FDXR: variants seen among roughly 807,000 people sequenced by gnomAD.
FDXR encodes ferredoxin reductase.
Under a neutral mutation model 58.3 loss-of-function variants are expected in FDXR, and 38 were observed. That is an observed-to-expected ratio of 0.65 (90% confidence interval 0.50 to 0.85). The LOEUF is 0.85. Ranked by LOEUF, FDXR falls within the 40% of genes least tolerant of loss-of-function variation. FDXR has a pLI of 0.00. For missense variants in FDXR, 624 were observed against 671.0 expected (o/e 0.93, Z 0.77); for synonymous variants, 275 against 273.8 (o/e 1.00, Z -0.04).
At chr17:74,867,335 A>C (rs997014018) in intron 2 of FDXR, among the ~76,000 whole-genome samples, 2 of 145,438 alleles carry the variant, frequency 1.4e-5, no homozygotes, top group African/African-American at 5.1e-5. Flanking sequence ...AAAAAAAAAG[A>C]CGACGACGGC....
Position 74,872,941 on chromosome 17 carries a change from C to T in FDXR, c.4G>A (p.Ala2Thr), listed in dbSNP as rs575119133. 16 of 1,555,708 alleles carry T rather than the reference C, an allele frequency of 1.0e-5. No individual in the cohort carries two copies. The highest frequency in any genetic ancestry group is 1.9e-5 in the Admixed American group (1 of 51,816). The change falls in exon 1 of 12, where the codon GCT becomes ACT. Residue 2 changes from alanine (A) to threonine (T), a missense_variant. By Grantham distance (58) the Ala-to-Thr change is moderately conservative. Coordinates refer to ENST00000293195, the MANE Select transcript of FDXR (RefSeq NM_024417.5). ...CCCCACCAGCGCCAGCAGCGCGAAG[C>T]CATGGCTGGGAGCAGCAACCTGCAA... M[A>T]SRCWRWWGWS...
chr17:74,866,636 C>A, intron 3 of FDXR, 68 bp from the exon 4 acceptor site: 2 of 1,606,026 alleles, frequency 1.2e-6, no homozygotes. Flanking sequence ...GTCTGCACCA[C>A]CCTCACCACT....
chr17:74,868,837 C>T (rs2038281011), intron 2 of FDXR: 11 of 1,226,492 alleles, frequency 9.0e-6, no homozygotes, highest in Non-Finnish European at 1.2e-5. Flanking sequence ...CCTGAACTTG[C>T]TGATGACTTT....
chr17:74,869,186 C>T (rs1488086291), intron 2 of FDXR, among the ~76,000 whole-genome samples: 2 of 152,152 alleles, frequency 1.3e-5, no homozygotes, highest in South Asian at 2.1e-4. Flanking sequence ...AACAGCAGCC[C>T]GAAAACTCTC....
At chr17:74,863,388 C>G (rs1567907909) in intron 10 of FDXR, 142 bp from the exon 11 acceptor site, 2 of 779,734 alleles carry the variant, frequency 2.6e-6, no homozygotes, top group Non-Finnish European at 4.1e-6. Flanking sequence ...CTGCTGTGGC[C>G]GCTGGTCCAC....
chr17:74,870,043 T>G, intron 2 of FDXR: 1 of 433,078 alleles, frequency 2.3e-6, no homozygotes, highest in Non-Finnish European at 4.8e-6. Context: ...TAAGGGCCAC[T>G]GTCCCAAACG....
chr17:74,868,817 C>G, intron 2 of FDXR: 1 of 1,354,412 alleles, frequency 7.4e-7, no homozygotes, highest in Non-Finnish European at 9.8e-7. Flanking sequence ...CTCCTGCGAC[C>G]CCAAATTCCC....
Position 74,863,906 on chromosome 17 carries a change from C to G in FDXR, c.1164G>C (p.Met388Ile). The change falls in exon 10 of 12, where the codon ATG becomes ATC. Residue 388 changes from methionine (M) to isoleucine (I), a missense_variant. Transcript: ENST00000293195. Reference sequence around the variant, plus strand: ...CTCACACCCTCTCACCTGGCACATCCATAACCCGGCCCTCCACATTGGGGA... The same window carrying G: ...CTCACACCCTCTCACCTGGCACATCGATAACCCGGCCCTCCACATTGGGGA... ...GVIPNVEGRV[M>I]DVPGLYCSGW... 1.2e-6 allele frequency: 2 copies of G among 1,612,868 alleles called. No individual in the cohort carries two copies. Among genetic ancestry groups the G allele is most frequent in the South Asian group, 2.2e-5 (2 of 90,972 alleles).
Position 74,864,156 on chromosome 17 carries a change from T to C in FDXR, c.994A>G (p.Arg332Gly), listed in dbSNP as rs201513638. The C allele has an allele frequency of 5.0e-6, 8 of 1,612,706 alleles. No homozygotes were observed. The highest frequency in any genetic ancestry group is 5.9e-6 in the Non-Finnish European group (7 of 1,179,950). The change falls in exon 9 of 12, where the codon AGA (arginine) becomes GGA (glycine). Residue 332 changes from arginine (R) to glycine (G), a missense_variant. Physicochemically the swap from Arg to Gly is moderately radical, Grantham distance 125. Transcript: ENST00000293195. ...GGAAACATGAGACTCACCTCCAGTCTAGTGACTGCTAGGCGGACACCTGCT... is the reference window on the plus strand; with the variant it reads ...GGAAACATGAGACTCACCTCCAGTCCAGTGACTGCTAGGCGGACACCTGCT... ...RAAGVRLAVT[R>G]LEGVDEATRA...
chr17:74,864,330 T>A lies in FDXR; in HGVS notation c.820A>T (p.Lys274Ter), dbSNP rs760182097. Residue 274 changes from lysine to a stop codon, truncating the protein, a stop_gained, in exon 9 of 12, where the codon AAG becomes TAG. Coordinates refer to ENST00000293195, the MANE Select transcript of FDXR (RefSeq NM_024417.5). LOFTEE classifies it high-confidence loss of function. ...CGAAGCAGCAGTTCCGTCAGCCGCT[T>A]CCTCGGGCGGGGGACCTCTGTCAGC... ...DKIKEVPRPR[K>*]RLTELLLRTA... is the part of the protein sequence containing the mutation. 1 of 1,576,476 alleles carries A rather than the reference T, an allele frequency of 6.3e-7. No homozygotes were observed. The highest frequency in any genetic ancestry group is 8.6e-7 in the Non-Finnish European group (1 of 1,158,974).
chr17:74,869,691 C>A (rs1309785596), intron 2 of FDXR, among the ~76,000 whole-genome samples: 1 of 152,156 alleles, frequency 6.6e-6, no homozygotes, highest in Non-Finnish European at 1.5e-5. Context: ...GCCGTCAGAG[C>A]CCTAAAATAC....
intron 2 of FDXR, among the ~76,000 whole-genome samples, chr17:74,869,315 A>G (rs2038295782): frequency 6.6e-6 from 1 of 152,168 alleles, no homozygotes; most frequent in African/African-American, 2.4e-5. Context: ...AGGAATGTGC[A>G]TTTTGATAAG....
intron 1 of FDXR, 193 bp downstream of exon 1, chr17:74,872,673 C>G: frequency 7.8e-7 from 1 of 1,284,226 alleles, no homozygotes. Flanking sequence ...ACCTCCGTCT[C>G]TAACCCTAGA....
chr17:74,872,413 A>G, intron 1 of FDXR: 1 of 780,056 alleles, frequency 1.3e-6, no homozygotes, highest in Non-Finnish European at 2.0e-6. Context: ...CCAATCGGCT[A>G]GAATCCCACA....
chr17:74,865,679 AC>A, intron 6 of FDXR, 39 bp downstream of exon 6: 1 of 1,411,182 alleles, frequency 7.1e-7, no homozygotes, highest in South Asian at 1.2e-5. Context: ...CCTCAGGGTG[AC>A]CCCACCTCCA....
chr17:74,866,591 G>C, intron 3 of FDXR, 23 bp from the exon 4 acceptor site: 1 of 1,613,348 alleles, frequency 6.2e-7, no homozygotes, highest in Non-Finnish European at 8.5e-7. Context: ...CCGGGAATGG[G>C]AGGGGTTAGA....
intron 4 of FDXR, 75 bp downstream of exon 4, chr17:74,866,371 G>A (rs1211005210): frequency 6.3e-7 from 1 of 1,587,132 alleles, no homozygotes; most frequent in African/African-American, 1.3e-5. Context: ...CCTCACCCCT[G>A]CTGCCTTCCA....
intron 2 of FDXR, 107 bp downstream of exon 2, chr17:74,871,929 C>T: frequency 1.3e-6 from 1 of 778,386 alleles, no homozygotes; most frequent in South Asian, 2.0e-5. Context: ...GCTGGGAGCC[C>T]CTTCCCCATA....
intron 1 of FDXR, chr17:74,872,417 TC>T: frequency 1.3e-6 from 1 of 767,052 alleles, no homozygotes; most frequent in Non-Finnish European, 2.1e-6. Context: ...TCGGCTAGAA[TC>T]CCACATCCTT....
Sources: gnomAD v4.1 joint callset for allele counts (sites outside exome capture counted in the v4.1 genomes callset) on GRCh38, gnomAD v4.1.1 for gene constraint, MANE v1.5 for transcripts, NCBI Gene and HGNC (gene_info 2026-07-23, HGNC 2026-07-21) for gene names.